The following ERBB4 variants were observed in gnomAD, a reference collection of about 807,000 sequenced individuals.
ERBB4 encodes erb-b2 receptor tyrosine kinase 4.
In ERBB4, 42 loss-of-function variants were observed where a neutral mutation model predicts 158.0. The observed-to-expected ratio is 0.27, with a 90% confidence interval of 0.21 to 0.34. The LOEUF is 0.34. ERBB4 is among the 10% of genes least tolerant of loss of function. The pLI is 1.00. For synonymous variants in ERBB4, 583 were observed against 558.7 expected (o/e 1.04, Z -0.61); for missense variants, 1,333 against 1,624.1 (o/e 0.82, Z 3.08).
intron 1 of ERBB4, among the ~76,000 whole-genome samples, chr2:212,129,681 A>G (rs1198461448): frequency 1.3e-5 from 2 of 152,026 alleles, no homozygotes; most frequent in Non-Finnish European, 2.9e-5. Context: ...AGTTTTGTAT[A>G]TACCTTCTTA....
At chr2:211,413,336 A>C in intron 25 of ERBB4, among the ~76,000 whole-genome samples, 2 of 118,924 alleles carry the variant, frequency 1.7e-5, no homozygotes, top group African/African-American at 5.8e-5. Context: ...ACACACACAC[A>C]CACACACACA....
chr2:211,584,971 C>T (rs575705594), intron 19 of ERBB4, among the ~76,000 whole-genome samples: 89 of 152,076 alleles, frequency 5.9e-4, no homozygotes, highest in African/African-American at 2.0e-3. Flanking sequence ...ATATTCTACA[C>T]TAATATCACG....
rs532765966 is a variant in ERBB4 at position 212,102,464 on chromosome 2, G to T, written c.234+22288C>A. Among the ~76,000 whole-genome samples, 12 of 152,016 alleles carry T rather than the reference G, an allele frequency of 7.9e-5. No individual in the cohort carries two copies. In the South Asian group the frequency reaches 2.5e-3, roughly 32 times the overall value. On this transcript the variant is annotated intron_variant, in intron 2 of 27. Coordinates refer to ENST00000342788, the MANE Select transcript of ERBB4 (RefSeq NM_005235.3). ...CCAATAGAGACCAATTGTCTCCAGG[G>T]ATAATTCAGTGTATTAAAAGAAAAA...
rs145661551 is a variant in ERBB4 at position 211,933,997 on chromosome 2, A to G, written c.421+13433T>C. 4.6e-5 allele frequency among the ~76,000 whole-genome samples: 7 copies of G among 152,176 alleles called. No individual in the cohort carries two copies. In the East Asian group the frequency reaches 1.3e-3, roughly 29 times the overall value. On this transcript the variant is annotated intron_variant, in intron 3 of 27. Transcript: ENST00000342788. ...GTGTTTATCTTAAGGCCATACACAA[A>G]TTCTGGAAATAATTAGTTAGAGGGT...
chr2:211,431,741 TAC>T, intron 20 of ERBB4, among the ~76,000 whole-genome samples: 1 of 152,264 alleles, frequency 6.6e-6, no homozygotes, highest in East Asian at 1.9e-4. Flanking sequence ...ATAGTGAAAT[TAC>T]ACAGTTTGTA....
intron 1 of ERBB4, among the ~76,000 whole-genome samples, chr2:212,331,071 T>TATATATATATACACATAC (rs147932949): frequency 8.3e-6 from 1 of 120,024 alleles, no homozygotes; most frequent in East Asian, 2.7e-4. Context: ...TATATATATA[T>TATATATATATACACATAC]ACACATATAT....
At chr2:212,029,876 C>T (rs748806519) in intron 2 of ERBB4, among the ~76,000 whole-genome samples, 3 of 152,158 alleles carry the variant, frequency 2.0e-5, no homozygotes, top group Admixed American at 6.6e-5. Context: ...TCAAATTCTA[C>T]AATCCCCACT....
intron 1 of ERBB4, among the ~76,000 whole-genome samples, chr2:212,205,898 A>G: frequency 6.6e-6 from 1 of 152,216 alleles, no homozygotes; most frequent in East Asian, 1.9e-4. Flanking sequence ...GTCTTTGTTA[A>G]AGAGCTTTCT....
chr2:211,802,162 G>A (rs1157030717), intron 3 of ERBB4, among the ~76,000 whole-genome samples: 1 of 152,122 alleles, frequency 6.6e-6, no homozygotes, highest in African/African-American at 2.4e-5. Flanking sequence ...GGGAGGCTGA[G>A]GCAGGAGAAT....
In ERBB4 at chr2:212,032,422, A is replaced by C. The variant is rs2076923900; in HGVS notation, c.235-84806T>G. ...TGTTATTATAGAAAGCAATATGAAA[A>C]TGCCACATATGCATTCTGCTGATTA... On this transcript the variant is annotated intron_variant, in intron 2 of 27. Coordinates refer to ENST00000342788, the MANE Select transcript of ERBB4 (RefSeq NM_005235.3). Among the ~76,000 whole-genome samples the C allele has an allele frequency of 3.9e-5, 6 of 152,114 alleles. No individual in the cohort carries two copies. The South Asian group carries it at 1.2e-3, about 32-fold the overall frequency.
chr2:212,021,699 G>A (rs1249735747), intron 2 of ERBB4, among the ~76,000 whole-genome samples: 1 of 151,922 alleles, frequency 6.6e-6, no homozygotes, highest in South Asian at 2.1e-4. Flanking sequence ...AAGCAATTGA[G>A]ACAAAAGAAA....
intron 3 of ERBB4, among the ~76,000 whole-genome samples, chr2:211,790,744 T>C (rs2076260747): frequency 6.6e-6 from 1 of 152,020 alleles, no homozygotes. Flanking sequence ...TATAAATGTT[T>C]AGCAATTAAT....
chr2:211,552,039 G>A (rs1242507630), intron 20 of ERBB4, among the ~76,000 whole-genome samples: 1 of 152,110 alleles, frequency 6.6e-6, no homozygotes, highest in Non-Finnish European at 1.5e-5. Flanking sequence ...ATGTGAAAGA[G>A]GTTCTTCTCT....
At chr2:211,617,789 T>TA (rs1012350838) in intron 19 of ERBB4, among the ~76,000 whole-genome samples, 6 of 152,170 alleles carry the variant, frequency 3.9e-5, no homozygotes, top group African/African-American at 1.2e-4. Flanking sequence ...ATTCATCTTT[T>TA]AAAAAAATCA....
At chr2:212,216,011 TCATAA>T (rs1216957941) in intron 1 of ERBB4, among the ~76,000 whole-genome samples, 3 of 151,392 alleles carry the variant, frequency 2.0e-5, no homozygotes, top group African/African-American at 7.3e-5. Context: ...TGATTTTTGG[TCATAA>T]CATAATTTTA....
At chr2:211,715,531 A>G (rs2073866280) in intron 7 of ERBB4, among the ~76,000 whole-genome samples, 1 of 152,208 alleles carries the variant, frequency 6.6e-6, no homozygotes, top group Non-Finnish European at 1.5e-5. Flanking sequence ...ATGTCGAATT[A>G]TAATCCTCAG....
rs1186067079 is a variant in ERBB4 at position 212,373,812 on chromosome 2, CATGTATATATCCAT to C, written c.82+164623_82+164636del. 2.1e-4 allele frequency among the ~76,000 whole-genome samples: 22 copies of C among 105,118 alleles called. 1 individual carries two copies. Among genetic ancestry groups the C allele is most frequent in the African/African-American group, 4.8e-4 (11 of 22,982 alleles). The allele number at this position is 105,118 out of a possible 152,430, so 69.0% of individuals were successfully genotyped here. A position where few individuals can be genotyped will look rare whatever the true frequency, so the allele number is the denominator to read the frequency against. ...ACGTATATATATCCATATATATATC[CATGTATATATCCAT>C]ATATATATATATCCATGTATATATC... On this transcript the variant is annotated intron_variant, in intron 1 of 27. Transcript: ENST00000342788.
intron 2 of ERBB4, among the ~76,000 whole-genome samples, chr2:212,034,519 C>T (rs553652171): frequency 1.8e-4 from 27 of 151,908 alleles, no homozygotes; most frequent in Non-Finnish European, 3.1e-4. Context: ...CAAAGTGATC[C>T]GTACAATAAT....
intron 1 of ERBB4, among the ~76,000 whole-genome samples, chr2:212,236,694 G>A (rs1162775586): frequency 2.0e-5 from 3 of 152,052 alleles, no homozygotes; most frequent in East Asian, 1.9e-4. Context: ...TTTAGTCTTC[G>A]GAGGGTGTAT....
Sources: allele counts gnomAD v4.1 joint callset (sites outside exome capture counted in the v4.1 genomes callset), GRCh38; gene constraint gnomAD v4.1.1; transcripts MANE v1.5; gene names NCBI Gene and HGNC (gene_info 2026-07-23, HGNC 2026-07-21).